The following IBTK variants were observed in gnomAD, a reference collection of about 807,000 sequenced individuals.
IBTK encodes the protein BTK-binding protein.
IBTK carries 83 observed loss-of-function variants against 154.9 expected under a neutral mutation model. The ratio of observed to expected loss-of-function variants is 0.54; its 90% CI spans 0.45 to 0.64. The LOEUF (loss-of-function observed/expected upper bound fraction) is 0.64. Among genes scored for constraint, IBTK ranks in the 30% least tolerant of loss-of-function variants. The probability of loss-of-function intolerance (pLI) is 0.00; values close to 1 mark genes in which losing one functional copy is unlikely to be tolerated. For synonymous variants in IBTK, 515 were observed against 536.1 expected, an observed-to-expected ratio of 0.96 and a Z score of 0.54; for missense variants, 1,332 against 1,584.6, an observed-to-expected ratio of 0.84 and a Z score of 2.71.
intron 11 of IBTK, 86 bp downstream of exon 11, chr6:82,215,990 T>C: frequency 1.0e-6 from 1 of 954,218 alleles, no homozygotes; most frequent in South Asian, 1.5e-5. Flanking sequence ...AGCTCTTCAA[T>C]TAAATTTGCA....
chr6:82,177,649 G>C (rs984910737), intron 26 of IBTK, among the ~76,000 whole-genome samples: 1 of 152,002 alleles, frequency 6.6e-6, no homozygotes, highest in African/African-American at 2.4e-5. Context: ...CCCGACCTCA[G>C]GTGATTTGCC....
intron 1 of IBTK, among the ~76,000 whole-genome samples, chr6:82,243,611 A>C (rs1364153154): frequency 1.3e-5 from 2 of 152,170 alleles, no homozygotes; most frequent in African/African-American, 4.8e-5. Context: ...AAAACATAGC[A>C]TATATAGGGT....
At chr6:82,211,714 C>T (rs1769655450) in intron 13 of IBTK, 142 bp from the exon 14 acceptor site, 7 of 648,908 alleles carry the variant, frequency 1.1e-5, no homozygotes, top group Non-Finnish European at 2.7e-6. Context: ...CAATAAAATA[C>T]TTCATCTTTT....
Position 82,200,592 on chromosome 6 carries a change from A to G in IBTK, c.2907T>C (p.Asn969=). ...AAAAAAAGAAAACAGCTTACGAATG[A>G]TTTTGTTCCATATTTATTTCTTCTT... is the stretch of plus-strand genomic sequence containing the variant. ...FLKEEINMEQ[N]HSETMFKKAK... is the part of the protein sequence containing the mutation. Residue 969 remains asparagine (N), a synonymous_variant, in exon 20 of 29, where the codon AAT becomes AAC. Coordinates refer to ENST00000306270, the MANE Select transcript of IBTK (RefSeq NM_015525.4). The G allele has an allele frequency of 6.5e-7, 1 of 1,549,904 alleles. No homozygotes were observed. Among genetic ancestry groups the G allele is most frequent in the Non-Finnish European group, 8.7e-7 (1 of 1,151,410 alleles).
rs1251473315 is a variant in IBTK at position 82,205,413 on chromosome 6, T to C, written c.2510-455A>G. ...AATAATGCTCTTATGCTTTCTTATT[T>C]AAAACAAAATTTGTCATCTAAGAGT... On this transcript the variant is annotated intron_variant, in intron 16 of 28. Coordinates refer to ENST00000306270, the MANE Select transcript of IBTK (RefSeq NM_015525.4). The C allele has an allele frequency of 2.6e-5, 4 of 152,270 alleles. No individual in the cohort carries two copies. The East Asian group carries it at 7.7e-4, about 29-fold the overall frequency. The allele number at this position is 152,270 out of a possible 1,614,324, so 9.4% of individuals were successfully genotyped here. A position where few individuals can be genotyped will look rare whatever the true frequency, so the allele number is the denominator to read the frequency against.
At chr6:82,178,637 A>T (rs931565295) in intron 26 of IBTK, among the ~76,000 whole-genome samples, 3 of 152,220 alleles carry the variant, frequency 2.0e-5, no homozygotes, top group Non-Finnish European at 4.4e-5. Flanking sequence ...CATTGAACAT[A>T]TAATTAAACA....
rs1178833829 is a variant in IBTK, at chr6:82,240,220, T to C, written c.267A>G (p.Ala89=). The C allele has an allele frequency of 6.2e-7, 1 of 1,614,216 alleles. No homozygotes were observed. Among genetic ancestry groups the C allele is most frequent in the South Asian group, 1.1e-5 (1 of 91,088 alleles). Residue 89 remains alanine (A), a synonymous_variant, in exon 2 of 29, where the codon GCA becomes GCG. Coordinates refer to ENST00000306270, the MANE Select transcript of IBTK (RefSeq NM_015525.4). ...LVKDKESGWT[A]LHRSIFYGHI... is the part of the protein sequence containing the mutation. ...GTCCATAAAAAATGCTTCTGTGCAA[T>C]GCTGTCCATCCAGACTCTTTGTCTT...
At position 82,214,287 on chromosome 6, in the gene IBTK, T is replaced by C; in HGVS notation, c.2144A>G (p.Asp715Gly). The C allele has an allele frequency of 6.2e-7, 1 of 1,613,566 alleles. No individual in the cohort carries two copies. The change falls in exon 12 of 29, where the codon GAT becomes GGT. Residue 715 changes from aspartate (D) to glycine (G), a missense_variant. By Grantham distance (94) the Asp-to-Gly change is moderately conservative. Coordinates refer to ENST00000306270, the MANE Select transcript of IBTK (RefSeq NM_015525.4). ...CKKGKNIRED[D>G]PVRMLQTVAK... is the part of the protein sequence containing the mutation. Reference sequence around the variant, plus strand: ...AACAGTTTGCAACATTCTTACAGGATCATCTTCCCTAATATTTTTTCCTTT... The same window carrying C: ...AACAGTTTGCAACATTCTTACAGGACCATCTTCCCTAATATTTTTTCCTTT...
At chr6:82,229,966 T>C (rs1770446457) in intron 4 of IBTK, among the ~76,000 whole-genome samples, 1 of 152,182 alleles carries the variant, frequency 6.6e-6, no homozygotes, top group Non-Finnish European at 1.5e-5. Flanking sequence ...GACTTTTAGT[T>C]TAAAAAATAG....
At chr6:82,171,796 C>A (rs1767935864) in intron 28 of IBTK, among the ~76,000 whole-genome samples, 1 of 152,108 alleles carries the variant, frequency 6.6e-6, no homozygotes, top group Non-Finnish European at 1.5e-5. Context: ...GAATCTTGAG[C>A]AGAAGGAAAA....
chr6:82,240,328 C>A lies in IBTK; in HGVS notation c.159G>T (p.Arg53Ser), dbSNP rs1345403590. The A allele has an allele frequency of 1.8e-5, 29 of 1,614,078 alleles. No individual in the cohort carries two copies. Among genetic ancestry groups the A allele is most frequent in the Non-Finnish European group, 2.4e-5 (28 of 1,180,044 alleles). The change falls in exon 2 of 29, where the codon AGG becomes AGT. Residue 53 changes from arginine to serine, a missense_variant. Physicochemically the swap from Arg to Ser is moderately radical, Grantham distance 110 (BLOSUM62 -1). Coordinates refer to ENST00000306270, the MANE Select transcript of IBTK (RefSeq NM_015525.4). ...NAATIKDVFG[R>S]NALHLVSSCG... ...AGGAGGAAACAAGGTGGAGGGCATTCCTGCCAAAAACATCCTTGATAGTTG... is the reference window on the plus strand; with the variant it reads ...AGGAGGAAACAAGGTGGAGGGCATTACTGCCAAAAACATCCTTGATAGTTG...
At chr6:82,213,120 C>A (rs755002949) in intron 12 of IBTK, among the ~76,000 whole-genome samples, 2 of 152,020 alleles carry the variant, frequency 1.3e-5, no homozygotes, top group Non-Finnish European at 2.9e-5. Context: ...CTCCACCTCC[C>A]AGGTTCACAT....
intron 24 of IBTK, 62 bp from the exon 25 acceptor site, chr6:82,191,278 T>C: frequency 1.5e-6 from 2 of 1,318,624 alleles, no homozygotes; most frequent in Non-Finnish European, 2.1e-6. Flanking sequence ...CCATGAGAAA[T>C]CATTTTGCTA....
intron 10 of IBTK, 47 bp downstream of exon 10, chr6:82,217,913 G>A (rs1769930017): frequency 7.9e-7 from 1 of 1,259,848 alleles, no homozygotes; most frequent in South Asian, 1.7e-5. Flanking sequence ...TCAAATTAAA[G>A]GATAATTGAA....
In IBTK at chr6:82,240,479, G is replaced by A; in HGVS notation, c.8C>T (p.Ser3Leu). ...CTTTGATGTGCAGTCAGGCATGGGT[G>A]AACTCATCCTAACTGTTTTTATACC... is the stretch of plus-strand genomic sequence containing the variant. MSSPMPDCTSKCR... is the reference protein window; with the variant it reads MSLPMPDCTSKCR... Residue 3 changes from serine to leucine, a missense_variant, in exon 2 of 29, where the codon TCA (serine) becomes TTA (leucine). This residue lies in a region of IBTK where 84 missense variants were observed against 96.2 expected (regional missense o/e 0.87). Coordinates refer to ENST00000306270, the MANE Select transcript of IBTK (RefSeq NM_015525.4). 3 of 1,611,172 alleles carry A rather than the reference G, an allele frequency of 1.9e-6. No individual in the cohort carries two copies. The South Asian group carries it at 3.3e-5, about 18-fold the overall frequency.
chr6:82,199,175 G>A (rs915004471), intron 21 of IBTK, among the ~76,000 whole-genome samples: 1 of 152,052 alleles, frequency 6.6e-6, no homozygotes, highest in African/African-American at 2.4e-5. Context: ...AGTATTCGGG[G>A]GAAAAGTATC....
intron 11 of IBTK, among the ~76,000 whole-genome samples, chr6:82,215,355 G>A (rs1333521421): frequency 2.0e-5 from 3 of 152,116 alleles, no homozygotes; most frequent in Non-Finnish European, 4.4e-5. Flanking sequence ...TTTGCATTGC[G>A]ATTTACAGAT....
Position 82,172,494 on chromosome 6 carries a change from TGAA to T in IBTK, c.3813_3815del (p.Ser1272del), listed in dbSNP as rs776934602. 2 of 1,612,308 alleles carry T rather than the reference TGAA, an allele frequency of 1.2e-6. No homozygotes were observed. Among genetic ancestry groups the T allele is most frequent in the African/African-American group, 1.3e-5 (1 of 74,846 alleles). On this transcript the variant is annotated inframe_deletion, in exon 28 of 29. Coordinates refer to ENST00000306270, the MANE Select transcript of IBTK (RefSeq NM_015525.4). ...GGGCTACCATGGATGGAGCAGTCAC[TGAA>T]GAAGATAGCCAGGGACTGAAAGAAT...
chr6:82,189,088 T>A (rs1025654785), intron 25 of IBTK: 1 of 415,804 alleles, frequency 2.4e-6, no homozygotes, highest in African/African-American at 2.1e-5. Context: ...AATATCTGAC[T>A]AATGTGATTT....
Sources: gnomAD v4.1 joint callset for allele counts (sites outside exome capture counted in the v4.1 genomes callset) on GRCh38, gnomAD v4.1.1 for gene constraint, gnomAD v4.1.1 regional missense constraint, MANE v1.5 for transcripts, NCBI Gene and HGNC (gene_info 2026-07-23, HGNC 2026-07-21) for gene names.